The following MPPED2 variants were observed in gnomAD, a reference collection of about 807,000 sequenced individuals.
The protein encoded by MPPED2 is metallophosphoesterase MPPED2.
A neutral mutation model predicts 33.0 loss-of-function variants in MPPED2; 5 were observed. The observed-to-expected ratio is 0.15, with a 90% confidence interval of 0.08 to 0.32. MPPED2 has a LOEUF of 0.32. MPPED2 is among the 10% of genes least tolerant of loss of function. MPPED2 has a pLI of 1.00. For synonymous variants in MPPED2, 136 were observed against 141.9 expected, an observed-to-expected ratio of 0.96 and a Z score of 0.29; for missense variants, 275 against 372.1, an observed-to-expected ratio of 0.74 and a Z score of 2.15.
chr11:30,541,533 G>C (rs1565167517), intron 2 of MPPED2, among the ~76,000 whole-genome samples: 1 of 152,194 alleles, frequency 6.6e-6, no homozygotes, highest in African/African-American at 2.4e-5. Context: ...AGGGATTTCA[G>C]TGCTTTTAGC....
intron 3 of MPPED2, among the ~76,000 whole-genome samples, chr11:30,515,650 C>G (rs1953492629): frequency 6.6e-6 from 1 of 152,176 alleles, no homozygotes; most frequent in African/African-American, 2.4e-5. Context: ...TTAATTCTTA[C>G]TATAGATTTA....
intron 3 of MPPED2, among the ~76,000 whole-genome samples, chr11:30,498,642 G>A (rs542225947): frequency 6.6e-6 from 1 of 151,918 alleles, no homozygotes; most frequent in East Asian, 1.9e-4. Flanking sequence ...GATTATTTTA[G>A]GTGAAATGGA....
chr11:30,400,534 G>A (rs1947895390), intron 6 of MPPED2, among the ~76,000 whole-genome samples: 1 of 152,216 alleles, frequency 6.6e-6, no homozygotes, highest in East Asian at 1.9e-4. Flanking sequence ...AGATGTCAGT[G>A]TTAATATTAG....
intron 4 of MPPED2, among the ~76,000 whole-genome samples, chr11:30,465,204 A>C (rs1295600798): frequency 2.0e-5 from 3 of 152,220 alleles, no homozygotes; most frequent in Non-Finnish European, 4.4e-5. Flanking sequence ...CTGTAATATA[A>C]AACAATTGGA....
chr11:30,488,509 A>T (rs1388547215), intron 4 of MPPED2, among the ~76,000 whole-genome samples: 1 of 152,224 alleles, frequency 6.6e-6, no homozygotes. Context: ...GCAGAAAGGG[A>T]CGAGTGAGAT....
chr11:30,529,186 C>A (rs1160502531), intron 3 of MPPED2, among the ~76,000 whole-genome samples: 1 of 151,814 alleles, frequency 6.6e-6, no homozygotes, highest in Non-Finnish European at 1.5e-5. Context: ...AAAAAATAGT[C>A]CTTAATAAAG....
chr11:30,478,904 C>T (rs1238188920), intron 4 of MPPED2, among the ~76,000 whole-genome samples: 1 of 152,026 alleles, frequency 6.6e-6, no homozygotes, highest in Non-Finnish European at 1.5e-5. Flanking sequence ...ACAATATGAG[C>T]AGGCTGTTTG....
intron 4 of MPPED2, among the ~76,000 whole-genome samples, chr11:30,493,960 C>A (rs868014599): frequency 3.3e-5 from 5 of 152,172 alleles, no homozygotes; most frequent in African/African-American, 9.6e-5. Context: ...TCTTGTCTGG[C>A]CTCCAAGGAT....
intron 2 of MPPED2, among the ~76,000 whole-genome samples, chr11:30,550,733 A>G (rs1158444307): frequency 6.6e-6 from 1 of 152,216 alleles, no homozygotes; most frequent in Non-Finnish European, 1.5e-5. Context: ...AAAAAATGCA[A>G]TAAAATCTCC....
At chr11:30,548,187 T>C (rs990269187) in intron 2 of MPPED2, among the ~76,000 whole-genome samples, 1 of 150,726 alleles carries the variant, frequency 6.6e-6, no homozygotes, top group East Asian at 2.0e-4. Flanking sequence ...CCTCATAAGA[T>C]TGACTATCAA....
intron 4 of MPPED2, among the ~76,000 whole-genome samples, chr11:30,432,800 C>A (rs1454242724): frequency 6.6e-6 from 1 of 152,148 alleles, no homozygotes; most frequent in African/African-American, 2.4e-5. Flanking sequence ...GTACAGGTCC[C>A]CAACTTGTGA....
At chr11:30,493,807 A>T (rs77965562) in intron 4 of MPPED2, among the ~76,000 whole-genome samples, 1,882 of 152,244 alleles carry the variant, frequency 0.012, 22 homozygotes, top group Non-Finnish European at 0.019. Flanking sequence ...TGCAAACTTT[A>T]CCTATTTTAT....
At chr11:30,575,494 C>T (rs572228934) in intron 2 of MPPED2, among the ~76,000 whole-genome samples, 4 of 152,320 alleles carry the variant, frequency 2.6e-5, no homozygotes, top group African/African-American at 7.2e-5. Context: ...CAGTAACTGG[C>T]AGGATCAGTA....
At chr11:30,537,597 A>G (rs896331769) in intron 2 of MPPED2, among the ~76,000 whole-genome samples, 6 of 152,192 alleles carry the variant, frequency 3.9e-5, no homozygotes, top group Admixed American at 3.3e-4. Flanking sequence ...CATTTCTTCA[A>G]TGACTAACCT....
At chr11:30,416,002 C>T (rs1407709992) in intron 5 of MPPED2, among the ~76,000 whole-genome samples, 1 of 152,236 alleles carries the variant, frequency 6.6e-6, no homozygotes, top group Non-Finnish European at 1.5e-5. Context: ...GATGCTCTCA[C>T]TGGGTAACTC....
chr11:30,447,702 CA>C (rs1163181066), intron 4 of MPPED2, among the ~76,000 whole-genome samples: 2 of 152,168 alleles, frequency 1.3e-5, no homozygotes, highest in South Asian at 2.1e-4. Flanking sequence ...CGCAGTTAAA[CA>C]GGGGCAAGTA....
intron 2 of MPPED2, among the ~76,000 whole-genome samples, chr11:30,541,548 C>T (rs1393461512): frequency 6.6e-6 from 1 of 152,098 alleles, no homozygotes; most frequent in East Asian, 1.9e-4. Flanking sequence ...TTTAGCAACC[C>T]CCATTCCACT....
chr11:30,408,402 C>G (rs1948023594), downstream of MPPED2, among the ~76,000 whole-genome samples: 1 of 152,194 alleles, frequency 6.6e-6, no homozygotes, highest in South Asian at 2.1e-4. Context: ...ACCTCTGCCT[C>G]CTGGGTTCAA....
intron 3 of MPPED2, among the ~76,000 whole-genome samples, chr11:30,511,476 T>C (rs1953188658): frequency 6.6e-6 from 1 of 152,116 alleles, no homozygotes; most frequent in Admixed American, 6.5e-5. Flanking sequence ...TCCAGGAAGG[T>C]GTCTTTGAGG....
Sources: gnomAD v4.1 joint callset for allele counts (sites outside exome capture counted in the v4.1 genomes callset) on GRCh38, gnomAD v4.1.1 for gene constraint, MANE v1.5 for transcripts, NCBI Gene and HGNC (gene_info 2026-07-23, HGNC 2026-07-21) for gene names.